The following CNTNAP2 variants were observed in gnomAD, a reference collection of about 807,000 sequenced individuals.
CNTNAP2 encodes contactin-associated protein-like 2.
Under a neutral mutation model 155.2 loss-of-function variants are expected in CNTNAP2, and 98 were observed. That is an observed-to-expected ratio of 0.63 (90% CI 0.54 to 0.75). The LOEUF is 0.75. Ranked by LOEUF, CNTNAP2 falls within the 30% of genes least tolerant of loss-of-function variation. CNTNAP2 has a pLI of 0.00. For missense variants in CNTNAP2, 1,727 were observed against 1,688.1 expected (o/e 1.02, Z -0.40); for synonymous variants, 651 against 631.2 (o/e 1.03, Z -0.47).
Position 148,413,424 on chromosome 7 carries a change from ATATATATATATATATATATATATT to A in CNTNAP2, c.3797-1992_3797-1969del, listed in dbSNP as rs1302552250. Among the ~76,000 whole-genome samples, 733 of 96,106 alleles carry A rather than the reference ATATATATATATATATATATATATT, an allele frequency of 7.6e-3. 177 individuals carry two copies. Among genetic ancestry groups the A allele is most frequent in the African/African-American group, 0.029 (705 of 24,660 alleles). 63.0% of individuals were successfully genotyped at this position (96,106 alleles called of 152,430 possible). ...AAAATATATATATATATATATATATATATATATATATATATATATATATTGCTCCATAGTTTTCTTGTAACATTT... is the reference window on the plus strand; with the variant it reads ...AAAATATATATATATATATATATATAGCTCCATAGTTTTCTTGTAACATTT... On this transcript the variant is annotated intron_variant, in intron 23 of 23. Coordinates refer to ENST00000361727, the MANE Select transcript of CNTNAP2 (RefSeq NM_014141.6).
intron 10 of CNTNAP2, among the ~76,000 whole-genome samples, chr7:147,415,100 A>C (rs1797170574): frequency 6.6e-6 from 1 of 152,094 alleles, no homozygotes; most frequent in Non-Finnish European, 1.5e-5. Flanking sequence ...CATACAGAAT[A>C]ATCCCTAAAG....
At chr7:146,380,881 T>C (rs1024573535) in intron 1 of CNTNAP2, among the ~76,000 whole-genome samples, 31 of 125,342 alleles carry the variant, frequency 2.5e-4, no homozygotes, top group Middle Eastern at 4.8e-3. Context: ...CACTGCAGGC[T>C]CCGCCCCCTG....
intron 13 of CNTNAP2, among the ~76,000 whole-genome samples, chr7:147,883,673 T>C (rs550851032): frequency 3.2e-4 from 48 of 152,206 alleles, no homozygotes; most frequent in Non-Finnish European, 5.6e-4. Context: ...ACTGATAGAC[T>C]GAGGCATAAA....
intron 3 of CNTNAP2, among the ~76,000 whole-genome samples, chr7:146,928,518 G>C (rs532341839): frequency 6.6e-6 from 1 of 152,156 alleles, no homozygotes; most frequent in African/African-American, 2.4e-5. Flanking sequence ...CGCAGAAGAC[G>C]GGTGATTTCT....
At chr7:146,170,836 G>A (rs1186763634) in intron 1 of CNTNAP2, among the ~76,000 whole-genome samples, 4 of 152,028 alleles carry the variant, frequency 2.6e-5, no homozygotes, top group Non-Finnish European at 5.9e-5. Flanking sequence ...GACCAGCCTG[G>A]CCAACATAGT....
At chr7:147,090,224 A>G (rs1160469922) in intron 4 of CNTNAP2, among the ~76,000 whole-genome samples, 1 of 152,136 alleles carries the variant, frequency 6.6e-6, no homozygotes, top group African/African-American at 2.4e-5. Context: ...AATAGTCATT[A>G]TTTCAAATCA....
chr7:147,936,300 A>ATTT (rs56980866), intron 14 of CNTNAP2, among the ~76,000 whole-genome samples: 8,650 of 147,808 alleles, frequency 0.059, 299 homozygotes, highest in South Asian at 0.14. Context: ...CATTTATTTT[A>ATTT]TTTTTTTTTT....
At chr7:147,151,309 A>C (rs1018156917) in intron 8 of CNTNAP2, among the ~76,000 whole-genome samples, 7 of 152,170 alleles carry the variant, frequency 4.6e-5, no homozygotes, top group African/African-American at 1.7e-4. Flanking sequence ...CCCAACGCTA[A>C]GAGGGAACTG....
At chr7:147,955,490 G>A (rs1279675937) in intron 14 of CNTNAP2, among the ~76,000 whole-genome samples, 1 of 152,144 alleles carries the variant, frequency 6.6e-6, no homozygotes, top group Non-Finnish European at 1.5e-5. Context: ...GGAAATTGAT[G>A]TCTTAATATT....
chr7:146,391,455 CTTA>C (rs1394141172), intron 1 of CNTNAP2, among the ~76,000 whole-genome samples: 1 of 151,800 alleles, frequency 6.6e-6, no homozygotes, highest in East Asian at 1.9e-4. Flanking sequence ...TTATATTATT[CTTA>C]TTATAGTTTT....
chr7:147,199,256 C>G (rs540360856), intron 8 of CNTNAP2, among the ~76,000 whole-genome samples: 378 of 152,210 alleles, frequency 2.5e-3, no homozygotes, highest in Non-Finnish European at 4.5e-3. Flanking sequence ...GCCACCGCGC[C>G]CGGCCCTAAT....
At chr7:146,313,006 C>A (rs180718948) in intron 1 of CNTNAP2, among the ~76,000 whole-genome samples, 1 of 152,058 alleles carries the variant, frequency 6.6e-6, no homozygotes, top group African/African-American at 2.4e-5. Flanking sequence ...TGTGAATAAT[C>A]TAAAAGAAAT....
At chr7:147,530,448 G>A (rs986976310) in intron 11 of CNTNAP2, among the ~76,000 whole-genome samples, 20 of 152,126 alleles carry the variant, frequency 1.3e-4, no homozygotes, top group African/African-American at 4.1e-4. Context: ...AAAGTGCTGG[G>A]ATTACAGGGG....
intron 8 of CNTNAP2, among the ~76,000 whole-genome samples, chr7:147,297,664 G>A (rs963945469): frequency 1.6e-4 from 24 of 152,270 alleles, no homozygotes; most frequent in African/African-American, 4.3e-4. Context: ...TACTTTTCGT[G>A]AGTTCAAAAA....
At chr7:148,415,206 T>TGGCTGGAAGACAA (rs1585362198) in intron 23 of CNTNAP2, among the ~76,000 whole-genome samples, 1 of 152,252 alleles carries the variant, frequency 6.6e-6, no homozygotes, top group East Asian at 1.9e-4. Flanking sequence ...TAGTTACTTT[T>TGGCTGGAAGACAA]GGCTGGAAGA....
chr7:148,289,601 A>C (rs1048585504), intron 21 of CNTNAP2, among the ~76,000 whole-genome samples: 2 of 129,740 alleles, frequency 1.5e-5, no homozygotes, highest in Admixed American at 7.5e-5. Context: ...ACACACACAC[A>C]CCCCATGTTG....
At chr7:147,573,492 C>T (rs1243706331) in intron 12 of CNTNAP2, among the ~76,000 whole-genome samples, 2 of 152,150 alleles carry the variant, frequency 1.3e-5, no homozygotes, top group Admixed American at 6.5e-5. Context: ...TTTCTAAGCT[C>T]ACTTGGTGTA....
At chr7:147,551,042 A>C (rs1418064439) in intron 11 of CNTNAP2, among the ~76,000 whole-genome samples, 1 of 152,216 alleles carries the variant, frequency 6.6e-6, no homozygotes, top group East Asian at 1.9e-4. Context: ...GCTATCAGGT[A>C]TGGATGTAGC....
At chr7:147,055,231 G>A (rs1449374181) in intron 4 of CNTNAP2, among the ~76,000 whole-genome samples, 3 of 152,178 alleles carry the variant, frequency 2.0e-5, no homozygotes, top group Admixed American at 2.0e-4. Flanking sequence ...AGCAACTTTA[G>A]ATTTATGATC....
Sources: allele counts gnomAD v4.1 joint callset (sites outside exome capture counted in the v4.1 genomes callset), GRCh38; gene constraint gnomAD v4.1.1; transcripts MANE v1.5; gene names NCBI Gene and HGNC (gene_info 2026-07-23, HGNC 2026-07-21).